The following RBFOX1 variants were observed in gnomAD, a reference collection of about 807,000 sequenced individuals.
RBFOX1 encodes the protein RNA binding protein fox-1 homolog 1.
In RBFOX1, 8 loss-of-function variants were observed where a neutral mutation model predicts 57.7. The observed-to-expected ratio is 0.14, with a 90% confidence interval of 0.08 to 0.25. The LOEUF (loss-of-function observed/expected upper bound fraction) is 0.25. Among genes scored for constraint, RBFOX1 ranks in the 10% least tolerant of loss-of-function variants. The probability of loss-of-function intolerance (pLI) is 1.00; values close to 1 mark genes in which losing one functional copy is unlikely to be tolerated. For missense variants in RBFOX1, 611 were observed against 548.5 expected (o/e 1.11, Z -1.14); for synonymous variants, 326 against 222.4 (o/e 1.47, Z -4.15).
chr16:7,103,075 A>T (rs555623329), intron 4 of RBFOX1, among the ~76,000 whole-genome samples: 2 of 152,076 alleles, frequency 1.3e-5, no homozygotes, highest in Non-Finnish European at 1.5e-5. Flanking sequence ...TTGCCTCAAA[A>T]AAAAAAAATG....
intron 4 of RBFOX1, among the ~76,000 whole-genome samples, chr16:5,951,012 C>G (rs1294059049): frequency 6.6e-6 from 1 of 152,176 alleles, no homozygotes; most frequent in African/African-American, 2.4e-5. Context: ...CTTTTCATCA[C>G]TGTCTCTCCA....
intron 1 of RBFOX1, among the ~76,000 whole-genome samples, chr16:5,253,060 C>T (rs1050316859): frequency 6.6e-6 from 1 of 152,194 alleles, no homozygotes; most frequent in Non-Finnish European, 1.5e-5. Flanking sequence ...GCTTAATTTT[C>T]ATCTGAAAGA....
intron 1 of RBFOX1, among the ~76,000 whole-genome samples, chr16:5,378,117 A>G (rs2066034868): frequency 6.6e-6 from 1 of 151,564 alleles, no homozygotes; most frequent in Non-Finnish European, 1.5e-5. Context: ...AATAAAAGGC[A>G]AATAAGTAGA....
intron 1 of RBFOX1, among the ~76,000 whole-genome samples, chr16:6,108,324 A>T (rs2096406331): frequency 1.3e-5 from 2 of 151,990 alleles, no homozygotes; most frequent in African/African-American, 4.8e-5. Context: ...GTCATTTGGT[A>T]CTCGTGTGAC....
At chr16:5,438,000 G>A (rs1157589177) in intron 1 of RBFOX1, among the ~76,000 whole-genome samples, 1 of 152,070 alleles carries the variant, frequency 6.6e-6, no homozygotes, top group East Asian at 1.9e-4. Context: ...GTTGTCAAGG[G>A]GACACCTTTG....
intron 3 of RBFOX1, among the ~76,000 whole-genome samples, chr16:6,925,109 GTTTTTTTTTTTTTTTTTTTTTTT>G (rs57556084): frequency 5.7e-4 from 26 of 45,248 alleles, no homozygotes; most frequent in East Asian, 5.4e-3. Flanking sequence ...TAGGTTGTTG[GTTTTTTTTTTTTTTTTTTTTTTT>G]TTTTTTTTTT....
chr16:6,712,364 C>T lies in RBFOX1; in HGVS notation c.-16+57714C>T, dbSNP rs12598589. On this transcript the variant is annotated intron_variant, in intron 3 of 15. Transcript: ENST00000550418. Reference sequence around the variant, plus strand: ...CCGAGACCACGTTGTTGAAATGTTACGTCTGTCCTGGGCGTGAACTAGATA... The same window carrying T: ...CCGAGACCACGTTGTTGAAATGTTATGTCTGTCCTGGGCGTGAACTAGATA... Among the ~76,000 whole-genome samples, 607 of 152,252 alleles carry T rather than the reference C, an allele frequency of 4.0e-3. 18 individuals are homozygous for T. The East Asian group carries it at 0.059, about 15-fold the overall frequency.
chr16:5,817,034 C>T (rs899475694), intron 3 of RBFOX1, among the ~76,000 whole-genome samples: 4 of 152,072 alleles, frequency 2.6e-5, no homozygotes, highest in African/African-American at 9.7e-5. Flanking sequence ...CTAGGAGATC[C>T]ACCCACCTCC....
At chr16:6,410,075 C>A (rs1596777413) in intron 2 of RBFOX1, among the ~76,000 whole-genome samples, 1 of 151,996 alleles carries the variant, frequency 6.6e-6, no homozygotes, top group Admixed American at 6.6e-5. Flanking sequence ...TGTTAAAGAA[C>A]CATCTCACAT....
intron 4 of RBFOX1, among the ~76,000 whole-genome samples, chr16:7,198,954 C>A (rs2087535476): frequency 6.6e-6 from 1 of 152,142 alleles, no homozygotes; most frequent in Non-Finnish European, 1.5e-5. Context: ...AGGAGAACCC[C>A]TGAAATCAAC....
At chr16:5,926,872 T>C (rs2152239812) in intron 4 of RBFOX1, among the ~76,000 whole-genome samples, 1 of 152,328 alleles carries the variant, frequency 6.6e-6, no homozygotes, top group African/African-American at 2.4e-5. Flanking sequence ...GGTATTTTTA[T>C]TAGCTCCATT....
At chr16:7,396,337 C>G (rs946960584) in intron 4 of RBFOX1, among the ~76,000 whole-genome samples, 1 of 152,126 alleles carries the variant, frequency 6.6e-6, no homozygotes, top group Non-Finnish European at 1.5e-5. Context: ...GGGCATACCT[C>G]AGTTACAAGC....
chr16:6,307,165 G>A lies in RBFOX1; in HGVS notation c.-126-9830G>A, dbSNP rs1465780103. On this transcript the variant is annotated intron_variant, in intron 1 of 15. Transcript: ENST00000550418. Reference sequence around the variant, plus strand: ...TTCAGATTCGTAAACGCCCCCCTAGGTCATCCTCAAAAGAGAAATAATGGT... The same window carrying A: ...TTCAGATTCGTAAACGCCCCCCTAGATCATCCTCAAAAGAGAAATAATGGT... Among the ~76,000 whole-genome samples, 4 of 152,104 alleles carry A rather than the reference G, an allele frequency of 2.6e-5. No homozygotes were observed. The East Asian group carries it at 7.7e-4, about 29-fold the overall frequency.
At chr16:6,539,942 C>T (rs940443392) in intron 2 of RBFOX1, among the ~76,000 whole-genome samples, 1 of 152,094 alleles carries the variant, frequency 6.6e-6, no homozygotes. Flanking sequence ...TGGTTTTCCC[C>T]ACAGATAGCC....
At chr16:6,624,197 G>C (rs1221355299) in intron 2 of RBFOX1, among the ~76,000 whole-genome samples, 2 of 152,194 alleles carry the variant, frequency 1.3e-5, no homozygotes, top group African/African-American at 4.8e-5. Flanking sequence ...CTATATTTAA[G>C]CACATGGTTA....
chr16:6,001,066 C>A (rs1238508799), intron 4 of RBFOX1, among the ~76,000 whole-genome samples: 1 of 152,020 alleles, frequency 6.6e-6, no homozygotes, highest in Non-Finnish European at 1.5e-5. Flanking sequence ...GGTTGATGGA[C>A]AGATGGGTAG....
At chr16:6,195,913 C>G (rs772696692) in intron 1 of RBFOX1, among the ~76,000 whole-genome samples, 2 of 151,910 alleles carry the variant, frequency 1.3e-5, no homozygotes, top group Non-Finnish European at 2.9e-5. Context: ...AAGAGATAAA[C>G]GGGCTTGAGA....
At chr16:5,576,045 G>A (rs897654159) in intron 2 of RBFOX1, among the ~76,000 whole-genome samples, 2 of 151,934 alleles carry the variant, frequency 1.3e-5, no homozygotes, top group African/African-American at 4.8e-5. Context: ...GGAGTACAGT[G>A]GTGCAATCTT....
At chr16:7,196,971 T>C (rs2086859139) in intron 4 of RBFOX1, among the ~76,000 whole-genome samples, 1 of 152,216 alleles carries the variant, frequency 6.6e-6, no homozygotes, top group African/African-American at 2.4e-5. Context: ...GTCTAATCTT[T>C]GCACGCAAGT....
Sources: allele counts gnomAD v4.1 joint callset (sites outside exome capture counted in the v4.1 genomes callset), GRCh38; gene constraint gnomAD v4.1.1; transcripts MANE v1.5; gene names NCBI Gene and HGNC (gene_info 2026-07-23, HGNC 2026-07-21).